BROX: variants seen among roughly 807,000 people sequenced by gnomAD.
BROX encodes the protein BRO1 domain-containing protein BROX.
BROX carries 53 observed loss-of-function variants against 61.0 expected under a neutral mutation model. The ratio of observed to expected loss-of-function variants is 0.87; its 90% confidence interval spans 0.70 to 1.09. The LOEUF is 1.09. Among genes scored for constraint, BROX ranks in the 50% least tolerant of loss-of-function variants. BROX has a pLI of 0.00. For synonymous variants in BROX, 152 were observed against 160.2 expected, an observed-to-expected ratio of 0.95 and a Z score of 0.38; for missense variants, 489 against 472.0, an observed-to-expected ratio of 1.04 and a Z score of -0.33.
chr1:222,722,293 A>G, intron 4 of BROX, 126 bp from the exon 5 acceptor site: 3 of 752,372 alleles, frequency 4.0e-6, no homozygotes, highest in South Asian at 3.1e-5. Flanking sequence ...ATTAAACACA[A>G]CCATTTTCCT....
Position 222,712,693 on chromosome 1 carries a change from G to A in BROX, c.-266G>A, listed in dbSNP as rs961625578. ...AAGGCCGAGGGAGAAGTTAGAAAGG[G>A]ATGATGAACGAAGCGTTTTGAGGGG... On this transcript the variant is annotated 5_prime_UTR_variant, in exon 1 of 13. Transcript: ENST00000340934. 5 of 1,294,164 alleles carry A rather than the reference G, an allele frequency of 3.9e-6. No individual in the cohort carries two copies. The highest frequency in any genetic ancestry group is 2.1e-4 in the Middle Eastern group (1 of 4,770). The allele number at this position is 1,294,164 out of a possible 1,614,324, so 80.2% of individuals were successfully genotyped here.
At chr1:222,713,065 G>A in intron 1 of BROX, 123 bp downstream of exon 1, 5 of 1,041,918 alleles carry the variant, frequency 4.8e-6, no homozygotes, top group Non-Finnish European at 5.8e-6. Context: ...TGGACCAAAA[G>A]TCTCCTTCTA....
intron 2 of BROX, among the ~76,000 whole-genome samples, chr1:222,718,269 G>A (rs1656788728): frequency 6.6e-6 from 1 of 152,164 alleles, no homozygotes; most frequent in South Asian, 2.1e-4. Context: ...GAAGGAAAAG[G>A]TGGATCTATA....
At position 222,729,634 on chromosome 1, in the gene BROX, TG is replaced by T; in HGVS notation, c.773del (p.Gly258ValfsTer59). ...TATTTCATCAGGCTTACTGTTACCA[TG>T]GTGAGACTTTATTGGCTAGTGATAA... ...FYTAYAYCYH[G>X]ETLLASDKCG... On this transcript the variant is annotated frameshift_variant, in exon 10 of 13. Transcript: ENST00000340934. LOFTEE classifies it high-confidence loss of function. The T allele has an allele frequency of 6.2e-7, 1 of 1,613,048 alleles. No individual in the cohort carries two copies. Among genetic ancestry groups the T allele is most frequent in the Non-Finnish European group, 8.5e-7 (1 of 1,179,244 alleles).
In BROX at chr1:222,718,964, C is replaced by T. The variant is rs1656852266; in HGVS notation, c.141C>T (p.Phe47=). Residue 47 remains phenylalanine, a synonymous_variant, in exon 3 of 13, where the codon TTC becomes TTT. Transcript: ENST00000340934. ...CCAGGGCACGACTCCTTGAACTGTT[C>T]ACTGATTTGAGCTGTAATCCAGAAA... is the stretch of plus-strand genomic sequence containing the variant. ...RSSRARLLEL[F]TDLSCNPEMM... is the part of the protein sequence containing the mutation. The T allele has an allele frequency of 6.2e-7, 1 of 1,613,868 alleles. No homozygotes were observed.
At chr1:222,721,764 A>C (rs1657112702) in intron 4 of BROX, among the ~76,000 whole-genome samples, 1 of 152,124 alleles carries the variant, frequency 6.6e-6, no homozygotes, top group South Asian at 2.1e-4. Context: ...AGAATCTTAT[A>C]CAGTTTGCCT....
intron 1 of BROX, chr1:222,715,172 T>C (rs1300392926): frequency 1.3e-5 from 2 of 152,278 alleles, no homozygotes; most frequent in South Asian, 2.1e-4. Flanking sequence ...AGTACTTTGC[T>C]ATTCAAAAGT....
intron 6 of BROX, among the ~76,000 whole-genome samples, chr1:222,724,664 C>T (rs1657366798): frequency 1.3e-5 from 2 of 152,184 alleles, no homozygotes; most frequent in Non-Finnish European, 2.9e-5. Flanking sequence ...CAATGTCCCC[C>T]TACGTCATTC....
intron 6 of BROX, among the ~76,000 whole-genome samples, chr1:222,725,115 T>C (rs1359205070): frequency 1.3e-5 from 2 of 152,120 alleles, no homozygotes; most frequent in Non-Finnish European, 2.9e-5. Flanking sequence ...TAATTATTAA[T>C]GTGAATGAAC....
At chr1:222,718,881 T>G in intron 2 of BROX, 44 bp from the exon 3 acceptor site, 1 of 1,481,252 alleles carries the variant, frequency 6.8e-7, no homozygotes, top group South Asian at 1.1e-5. Flanking sequence ...TGTAGATTGA[T>G]TGCAGTACAG....
At position 222,724,181 on chromosome 1, in the gene BROX, A is replaced by G. The variant is rs542232209; in HGVS notation, c.474+17A>G. The G allele has an allele frequency of 4.3e-5, 68 of 1,585,170 alleles. 1 individual carries two copies. The South Asian group carries it at 7.5e-4, about 17-fold the overall frequency. On this transcript the variant is annotated intron_variant, in intron 6 of 12. Transcript: ENST00000340934. ...CATTTAAAGGTAAAACAAACAAACA[A>G]AAACCATTATTTGTTCTTAATGCTT... is the stretch of plus-strand genomic sequence containing the variant.
chr1:222,720,852 C>CT (rs1322476434), intron 4 of BROX, among the ~76,000 whole-genome samples: 2 of 151,856 alleles, frequency 1.3e-5, no homozygotes, highest in African/African-American at 2.4e-5. Context: ...ACTATTTAAC[C>CT]TTTTTTCAGC....
intron 2 of BROX, among the ~76,000 whole-genome samples, chr1:222,717,659 A>T (rs1391437656): frequency 6.6e-6 from 1 of 152,224 alleles, no homozygotes; most frequent in Non-Finnish European, 1.5e-5. Context: ...AATTGGCAAT[A>T]CATACATACT....
Position 222,718,928 on chromosome 1 carries a change from C to A in BROX, c.105C>A (p.Asp35Glu), listed in dbSNP as rs747143013. Residue 35 changes from aspartate to glutamate, a missense_variant, in exon 3 of 13, where the codon GAC becomes GAA. Coordinates refer to ENST00000340934, the MANE Select transcript of BROX (RefSeq NM_144695.4). The stretch of plus-strand genomic sequence containing the variant: ...GTCTTTTTGTATCTCTTATAAGTGA[C>A]TTGAGGTCATCCAGGGCACGACTCC... ...TGPSASKICN[D>E]LRSSRARLLE... The A allele has an allele frequency of 1.2e-6, 2 of 1,613,030 alleles. No individual in the cohort carries two copies. Among genetic ancestry groups the A allele is most frequent in the African/African-American group, 1.3e-5 (1 of 74,944 alleles).
At chr1:222,726,105 A>G (rs777167332) in intron 7 of BROX, among the ~76,000 whole-genome samples, 13 of 152,178 alleles carry the variant, frequency 8.5e-5, no homozygotes, top group Non-Finnish European at 1.9e-4. Context: ...TACAACATTA[A>G]TTCTTTAATT....
At position 222,712,875 on chromosome 1, in the gene BROX, G is replaced by C; in HGVS notation, c.-84G>C. 1 of 1,265,654 alleles carries C rather than the reference G, an allele frequency of 7.9e-7. No individual in the cohort carries two copies. The highest frequency in any genetic ancestry group is 1.0e-6 in the Non-Finnish European group (1 of 974,360). The allele number at this position is 1,265,654 out of a possible 1,614,324, so 78.4% of individuals were successfully genotyped here. ...GGTTCTCCGACTCCCTCTTTTTCTCGCTTGTGGACTCCGATATATTGCCCT... is the reference window on the plus strand; with the variant it reads ...GGTTCTCCGACTCCCTCTTTTTCTCCCTTGTGGACTCCGATATATTGCCCT... On this transcript the variant is annotated 5_prime_UTR_variant, in exon 1 of 13. Transcript: ENST00000340934.
At chr1:222,713,118 C>T in intron 1 of BROX, 176 bp downstream of exon 1, 4 of 1,006,622 alleles carry the variant, frequency 4.0e-6, no homozygotes, top group Non-Finnish European at 4.8e-6. Flanking sequence ...ATATTGGTCA[C>T]CACAAATCAG....
intron 11 of BROX, among the ~76,000 whole-genome samples, chr1:222,730,781 CTCTG>C (rs977295408): frequency 6.6e-6 from 1 of 152,146 alleles, no homozygotes; most frequent in Non-Finnish European, 1.5e-5. Context: ...TTTCTCTTAA[CTCTG>C]TTTCCCTGCC....
At position 222,727,226 on chromosome 1, in the gene BROX, G is replaced by A. The variant is rs764950848; in HGVS notation, c.639G>A (p.Ala213=). 21 of 1,612,894 alleles carry A rather than the reference G, an allele frequency of 1.3e-5. No homozygotes were observed. Among genetic ancestry groups the A allele is most frequent in the East Asian group, 4.5e-5 (2 of 44,842 alleles). The change falls in exon 8 of 13, where the codon GCG becomes GCA. Residue 213 remains alanine, a synonymous_variant. Transcript: ENST00000340934. Reference sequence around the variant, plus strand: ...CTCCTGGACTAATTGCTGCACTGGCGTATGAAACAGCCAATTTCTATCAAA... The same window carrying A: ...CTCCTGGACTAATTGCTGCACTGGCATATGAAACAGCCAATTTCTATCAAA... The part of the protein sequence containing the change: ...KHAPGLIAAL[A]YETANFYQKA...
Sources: gnomAD v4.1 joint callset for allele counts (sites outside exome capture counted in the v4.1 genomes callset) on GRCh38, gnomAD v4.1.1 for gene constraint, MANE v1.5 for transcripts, NCBI Gene and HGNC (gene_info 2026-07-23, HGNC 2026-07-21) for gene names.